SLC24A3: variants seen among roughly 807,000 people sequenced by gnomAD.
SLC24A3 encodes solute carrier family 24 member 3.
SLC24A3 carries 28 observed loss-of-function variants against 75.8 expected under a neutral mutation model. The ratio of observed to expected loss-of-function variants is 0.37; its 90% CI spans 0.27 to 0.51. The LOEUF is 0.51. SLC24A3 is among the 20% of genes least tolerant of loss of function. SLC24A3 has a pLI of 0.94. For synonymous variants in SLC24A3, 372 were observed against 334.1 expected (o/e 1.11, Z -1.24); for missense variants, 663 against 847.8 (o/e 0.78, Z 2.71).
At chr20:19,307,083 G>A (rs1012994969) in intron 2 of SLC24A3, among the ~76,000 whole-genome samples, 4 of 152,112 alleles carry the variant, frequency 2.6e-5, no homozygotes, top group Non-Finnish European at 4.4e-5. Flanking sequence ...AGGTGAAACT[G>A]AAACAGCAAT....
chr20:19,341,447 G>A (rs150843204), intron 2 of SLC24A3, among the ~76,000 whole-genome samples: 46 of 152,288 alleles, frequency 3.0e-4, no homozygotes, highest in African/African-American at 8.7e-4. Context: ...GTGCCTGTGG[G>A]GTGTGTTCTG....
intron 2 of SLC24A3, among the ~76,000 whole-genome samples, chr20:19,295,876 T>C (rs1000744817): frequency 6.6e-6 from 1 of 152,174 alleles, no homozygotes; most frequent in Non-Finnish European, 1.5e-5. Context: ...CCTCATAGAA[T>C]GAGTTAGAGA....
At chr20:19,489,704 T>A (rs1988178626) in intron 2 of SLC24A3, among the ~76,000 whole-genome samples, 13 of 152,154 alleles carry the variant, frequency 8.5e-5, no homozygotes, top group Admixed American at 8.5e-4. Flanking sequence ...AGCTTCCTAG[T>A]GGCCCTGAGG....
At position 19,454,378 on chromosome 20, in the gene SLC24A3, G is replaced by A. The variant is rs372852587; in HGVS notation, c.272-61110G>A. Among the ~76,000 whole-genome samples the A allele has an allele frequency of 3.5e-4, 53 of 152,270 alleles. 2 individuals carry two copies. Among genetic ancestry groups the A allele is most frequent in the Middle Eastern group, 3.4e-3 (1 of 294 alleles). On this transcript the variant is annotated intron_variant, in intron 2 of 16. Transcript: ENST00000328041. Reference sequence around the variant, plus strand: ...ATAGGTTTTTCAGGCTAATAGTTCAGGACAATGAAATAGATATTTGGTCTT... The same window carrying A: ...ATAGGTTTTTCAGGCTAATAGTTCAAGACAATGAAATAGATATTTGGTCTT...
intron 1 of SLC24A3, among the ~76,000 whole-genome samples, chr20:19,280,514 A>G (rs1378470746): frequency 6.6e-6 from 1 of 151,992 alleles, no homozygotes; most frequent in Non-Finnish European, 1.5e-5. Flanking sequence ...TCCGAATACC[A>G]TTTTCAATGA....
At chr20:19,500,220 G>A (rs534555551) in intron 2 of SLC24A3, among the ~76,000 whole-genome samples, 234 of 152,252 alleles carry the variant, frequency 1.5e-3, no homozygotes, top group Non-Finnish European at 2.8e-3. Context: ...AAAGCCACTC[G>A]ATTTGCTTCT....
intron 2 of SLC24A3, among the ~76,000 whole-genome samples, chr20:19,505,192 C>T (rs1988444341): frequency 6.6e-6 from 1 of 151,572 alleles, no homozygotes. Flanking sequence ...AGAAAAAGAG[C>T]TCTTAAGTGG....
intron 2 of SLC24A3, among the ~76,000 whole-genome samples, chr20:19,314,295 T>C (rs1054066952): frequency 1.4e-5 from 2 of 147,588 alleles, no homozygotes; most frequent in Admixed American, 1.4e-4. Flanking sequence ...TATTTTATTT[T>C]ATTTTATTTT....
At chr20:19,526,401 G>A (rs2030199618) in intron 3 of SLC24A3, among the ~76,000 whole-genome samples, 1 of 152,192 alleles carries the variant, frequency 6.6e-6, no homozygotes, top group Non-Finnish European at 1.5e-5. Context: ...AAGATAAAGT[G>A]TGTAACATGT....
chr20:19,622,221 G>T (rs1186368523), intron 6 of SLC24A3, among the ~76,000 whole-genome samples: 2 of 152,184 alleles, frequency 1.3e-5, no homozygotes, highest in African/African-American at 4.8e-5. Context: ...AACTGGAGCT[G>T]GGTTCTAAGA....
At chr20:19,611,104 G>A (rs1373652893) in intron 6 of SLC24A3, among the ~76,000 whole-genome samples, 1 of 152,152 alleles carries the variant, frequency 6.6e-6, no homozygotes, top group Non-Finnish European at 1.5e-5. Flanking sequence ...GGCAGGAAGG[G>A]GTCCTAGAAG....
chr20:19,388,749 A>G (rs191257803), intron 2 of SLC24A3, among the ~76,000 whole-genome samples: 2 of 151,912 alleles, frequency 1.3e-5, no homozygotes, highest in Non-Finnish European at 2.9e-5. Context: ...CCATCTTTTC[A>G]CTTTCAGCCT....
intron 3 of SLC24A3, among the ~76,000 whole-genome samples, chr20:19,549,961 C>G (rs1388491264): frequency 2.6e-5 from 4 of 152,128 alleles, no homozygotes; most frequent in Non-Finnish European, 4.4e-5. Flanking sequence ...AACTACATAA[C>G]CTTCCAAAAC....
At chr20:19,644,206 G>A (rs907519025) in intron 6 of SLC24A3, among the ~76,000 whole-genome samples, 2 of 152,248 alleles carry the variant, frequency 1.3e-5, no homozygotes, top group African/African-American at 2.4e-5. Flanking sequence ...CTGCTGCATC[G>A]CGTCCAGATC....
At chr20:19,418,684 A>G (rs893126948) in intron 2 of SLC24A3, among the ~76,000 whole-genome samples, 3 of 151,182 alleles carry the variant, frequency 2.0e-5, no homozygotes, top group Admixed American at 6.6e-5. Context: ...ATAATATAAT[A>G]TATAATATAA....
chr20:19,304,344 C>T (rs970251854), intron 2 of SLC24A3, among the ~76,000 whole-genome samples: 2 of 152,032 alleles, frequency 1.3e-5, no homozygotes, highest in African/African-American at 4.8e-5. Flanking sequence ...CGTAACTTCT[C>T]GTAGTTTCCT....
chr20:19,676,791 A>G (rs2032529245), intron 9 of SLC24A3, among the ~76,000 whole-genome samples: 2 of 152,174 alleles, frequency 1.3e-5, no homozygotes, highest in South Asian at 4.1e-4. Flanking sequence ...TGCTTTCTGT[A>G]CATCCCAGGT....
intron 2 of SLC24A3, among the ~76,000 whole-genome samples, chr20:19,286,603 T>C (rs955088693): frequency 3.3e-5 from 5 of 152,100 alleles, no homozygotes; most frequent in African/African-American, 7.2e-5. Context: ...AGAAGTAACA[T>C]AGGGCCACCC....
intron 3 of SLC24A3, among the ~76,000 whole-genome samples, chr20:19,568,471 C>A (rs1016107059): frequency 6.6e-6 from 1 of 152,008 alleles, no homozygotes; most frequent in Non-Finnish European, 1.5e-5. Context: ...CAGGGATGAA[C>A]CTTGAATATA....
Sources: allele counts gnomAD v4.1 joint callset (sites outside exome capture counted in the v4.1 genomes callset), GRCh38; gene constraint gnomAD v4.1.1; transcripts MANE v1.5; gene names NCBI Gene and HGNC (gene_info 2026-07-23, HGNC 2026-07-21).